Variants in SLC22A23 observed in about 807,000 individuals in gnomAD.
SLC22A23 encodes ion transporter protein.
In SLC22A23, 26 loss-of-function variants were observed where a neutral mutation model predicts 61.0. The ratio of observed to expected loss-of-function variants is 0.43; its 90% CI spans 0.31 to 0.59. The LOEUF is 0.59. Among genes scored for constraint, SLC22A23 ranks in the 20% least tolerant of loss-of-function variants. The pLI is 0.11. For missense variants in SLC22A23, 796 were observed against 934.7 expected, an observed-to-expected ratio of 0.85 and a Z score of 1.94; for synonymous variants, 430 against 413.9, an observed-to-expected ratio of 1.04 and a Z score of -0.47.
chr6:3,276,029 T>C (rs1431124611), intron 9 of SLC22A23, among the ~76,000 whole-genome samples: 3 of 152,200 alleles, frequency 2.0e-5, no homozygotes, highest in Admixed American at 2.0e-4. Flanking sequence ...AAACCAGATA[T>C]ACACAGGTCT....
At chr6:3,363,418 A>T (rs1183050080) in intron 3 of SLC22A23, among the ~76,000 whole-genome samples, 1 of 152,228 alleles carries the variant, frequency 6.6e-6, no homozygotes, top group African/African-American at 2.4e-5. Context: ...GGGGACTGTG[A>T]CACCCCAGGA....
intron 6 of SLC22A23, among the ~76,000 whole-genome samples, chr6:3,287,772 C>G (rs374162209): frequency 6.6e-6 from 1 of 152,106 alleles, no homozygotes; most frequent in South Asian, 2.1e-4. Context: ...CAACCTCCCC[C>G]TCCCTGGTTC....
In SLC22A23 at chr6:3,414,944, C is replaced by T. The variant is rs1277474296; in HGVS notation, c.758+808G>A. ...CCTGGTGGAGGGGCAGGCTCTGAGG[C>T]CACGTGGTGGCTGAGTTTCAAGTTC... On this transcript the variant is annotated intron_variant, in intron 2 of 9. Transcript: ENST00000406686. This position sits in a 1 kb window ranked among gnomAD's most constrained non-coding sequence, Gnocchi z 5.1. Among the ~76,000 whole-genome samples the T allele has an allele frequency of 2.0e-5, 3 of 152,130 alleles. No homozygotes were observed. The highest frequency in any genetic ancestry group is 2.0e-4 in the Admixed American group (3 of 15,274).
chr6:3,286,712 C>T lies in SLC22A23; in HGVS notation c.1546+147G>A, dbSNP rs1022689114. 7.4e-5 allele frequency: 56 copies of T among 754,008 alleles called. No individual in the cohort carries two copies. Among genetic ancestry groups the T allele is most frequent in the Non-Finnish European group, 1.0e-4 (47 of 468,604 alleles). 46.7% of individuals were successfully genotyped at this position (754,008 alleles called of 1,614,324 possible). A position where few individuals can be genotyped will look rare whatever the true frequency, so the allele number is the denominator to read the frequency against. On this transcript the variant is annotated intron_variant, in intron 7 of 9. Transcript: ENST00000406686. This position sits in a 1 kb window ranked among gnomAD's most constrained non-coding sequence, Gnocchi z 4.2. ...CTAAGGCGGGCTCCACAGATGCTCT[C>T]AACTGAAGCTCTGTTCTCCCCAAAG...
chr6:3,275,806 TCTC>T lies in SLC22A23; in HGVS notation c.1704-2397_1704-2395del, dbSNP rs1166175268. Among the ~76,000 whole-genome samples the T allele has an allele frequency of 2.6e-5, 4 of 152,210 alleles. No individual in the cohort carries two copies. In the East Asian group the frequency reaches 5.8e-4, roughly 22 times the overall value. On this transcript the variant is annotated intron_variant, in intron 9 of 9. Transcript: ENST00000406686. ...GCTGTGTTAGCCAGGGTGGTCTTGA[TCTC>T]CTAACCTCGTGATCCACCCGCCTTG...
chr6:3,362,165 A>G (rs1277277419), intron 3 of SLC22A23, among the ~76,000 whole-genome samples: 1 of 151,874 alleles, frequency 6.6e-6, no homozygotes, highest in African/African-American at 2.4e-5. Context: ...GGACTTTGAG[A>G]GGCCGAGGTG....
chr6:3,345,180 T>C lies in SLC22A23; in HGVS notation c.914-21178A>G, dbSNP rs1258059896. Among the ~76,000 whole-genome samples, 8 of 151,644 alleles carry C rather than the reference T, an allele frequency of 5.3e-5. No homozygotes were observed. The South Asian group carries it at 1.2e-3, about 24-fold the overall frequency. On this transcript the variant is annotated intron_variant, in intron 3 of 9. Coordinates refer to ENST00000406686, the MANE Select transcript of SLC22A23 (RefSeq NM_015482.2). ...TCAGTAGACTCCTAGCATCAGCATCTAGGGAATTAGCACACAGAGGTGTCT... is the reference window on the plus strand; with the variant it reads ...TCAGTAGACTCCTAGCATCAGCATCCAGGGAATTAGCACACAGAGGTGTCT...
chr6:3,435,711 C>T (rs1184574012), intron 1 of SLC22A23, among the ~76,000 whole-genome samples: 1 of 152,206 alleles, frequency 6.6e-6, no homozygotes, highest in Non-Finnish European at 1.5e-5. Context: ...GTGTGTCCAC[C>T]CTGCCCCTAA....
At chr6:3,440,141 C>A (rs575497762) in intron 1 of SLC22A23, among the ~76,000 whole-genome samples, 4 of 152,248 alleles carry the variant, frequency 2.6e-5, no homozygotes, top group African/African-American at 9.6e-5. Flanking sequence ...CAAGAGAGGG[C>A]CAGTCCAGCA....
chr6:3,432,452 G>A (rs1185818932), intron 1 of SLC22A23: 23 of 953,472 alleles, frequency 2.4e-5, no homozygotes, highest in Non-Finnish European at 2.7e-5. Context: ...TCAGCTCACT[G>A]TAAAACCAGG....
intron 3 of SLC22A23, among the ~76,000 whole-genome samples, chr6:3,409,050 C>T (rs961265593): frequency 1.1e-4 from 17 of 152,222 alleles, no homozygotes; most frequent in Non-Finnish European, 1.6e-4. Context: ...GCCCAATACT[C>T]GCATTATTTA....
chr6:3,414,637 G>A lies in SLC22A23; in HGVS notation c.758+1115C>T, dbSNP rs1581848140. On this transcript the variant is annotated intron_variant, in intron 2 of 9. Coordinates refer to ENST00000406686, the MANE Select transcript of SLC22A23 (RefSeq NM_015482.2). This position sits in a 1 kb window ranked among gnomAD's most constrained non-coding sequence, Gnocchi z 5.1. Reference sequence around the variant, plus strand: ...TTGGCCAGCATTCTCAGTTAACTGAGGTGCAGAGGTCACAGAACCTATAGA... The same window carrying A: ...TTGGCCAGCATTCTCAGTTAACTGAAGTGCAGAGGTCACAGAACCTATAGA... 6.6e-6 allele frequency among the ~76,000 whole-genome samples: 1 copy of A among 151,054 alleles called. No individual in the cohort carries two copies. Among genetic ancestry groups the A allele is most frequent in the East Asian group, 1.9e-4 (1 of 5,138 alleles).
At chr6:3,363,745 T>A (rs1171053819) in intron 3 of SLC22A23, among the ~76,000 whole-genome samples, 4 of 152,236 alleles carry the variant, frequency 2.6e-5, no homozygotes, top group Non-Finnish European at 5.9e-5. Flanking sequence ...AAAAGGGGTA[T>A]TTTTCTGGGG....
intron 9 of SLC22A23, among the ~76,000 whole-genome samples, chr6:3,280,471 T>TTA (rs70998387): frequency 9.6e-5 from 14 of 145,444 alleles, no homozygotes; most frequent in Admixed American, 2.1e-4. Context: ...TTTTCAGATG[T>TTA]GACATTTTTA....
chr6:3,314,657 AT>A (rs921870884), intron 4 of SLC22A23, among the ~76,000 whole-genome samples: 286 of 151,966 alleles, frequency 1.9e-3, no homozygotes, highest in African/African-American at 6.0e-3. Context: ...ACATATTGGA[AT>A]TTTTTTTTAA....
intron 4 of SLC22A23, among the ~76,000 whole-genome samples, chr6:3,306,757 A>T (rs942478884): frequency 2.0e-5 from 3 of 152,214 alleles, no homozygotes; most frequent in Admixed American, 2.0e-4. Context: ...GGGGGAGAGA[A>T]GCAGAGGACA....
chr6:3,435,238 G>T (rs1313259477), intron 1 of SLC22A23, among the ~76,000 whole-genome samples: 6 of 152,192 alleles, frequency 3.9e-5, no homozygotes, highest in Non-Finnish European at 8.8e-5. Context: ...CACGGCATCT[G>T]TAAAACACTC....
intron 3 of SLC22A23, among the ~76,000 whole-genome samples, chr6:3,359,890 A>G (rs1391581149): frequency 1.3e-5 from 2 of 152,166 alleles, no homozygotes; most frequent in Non-Finnish European, 2.9e-5. Context: ...CATATCCAAC[A>G]TATGCTATAG....
At chr6:3,282,670 G>A (rs911338087) in intron 9 of SLC22A23, among the ~76,000 whole-genome samples, 4 of 152,200 alleles carry the variant, frequency 2.6e-5, no homozygotes, top group Admixed American at 6.5e-5. Context: ...CTCAAGTTCT[G>A]TTTTATGAAG....
Sources: allele counts gnomAD v4.1 joint callset (sites outside exome capture counted in the v4.1 genomes callset), GRCh38; gene constraint gnomAD v4.1.1; non-coding constraint Gnocchi (gnomAD v3.1); transcripts MANE v1.5; gene names NCBI Gene and HGNC (gene_info 2026-07-23, HGNC 2026-07-21).